The following GTF2F1 variants were observed in gnomAD, a reference collection of about 807,000 sequenced individuals.
The protein encoded by GTF2F1 is general transcription factor IIF subunit 1.
A neutral mutation model predicts 63.5 loss-of-function variants in GTF2F1; 39 were observed. The ratio of observed to expected loss-of-function variants is 0.61; its 90% CI spans 0.48 to 0.80. The LOEUF is 0.80. Ranked by LOEUF, GTF2F1 falls within the 30% of genes least tolerant of loss-of-function variation. The pLI, the probability that GTF2F1 is intolerant of heterozygous loss-of-function variation, is 0.00. For synonymous variants in GTF2F1, 287 were observed against 285.3 expected (o/e 1.01, Z -0.06); for missense variants, 657 against 718.3 (o/e 0.91, Z 0.97).
At chr19:6,388,381 CT>C (rs2091982157) in intron 4 of GTF2F1, among the ~76,000 whole-genome samples, 1 of 152,220 alleles carries the variant, frequency 6.6e-6, no homozygotes, top group Admixed American at 6.5e-5. Flanking sequence ...CTGCCTACAG[CT>C]TTCCAAGGCT....
At chr19:6,382,294 C>T (rs1019348346) in intron 6 of GTF2F1, among the ~76,000 whole-genome samples, 2 of 152,006 alleles carry the variant, frequency 1.3e-5, no homozygotes, top group Non-Finnish European at 2.9e-5. Context: ...AGTTTCAGAC[C>T]ATCCTGGGCA....
intron 5 of GTF2F1, chr19:6,386,992 AGCCCTTAACTGCACCC>A (rs1470582344): frequency 9.1e-6 from 2 of 220,976 alleles, no homozygotes; most frequent in Non-Finnish European, 1.8e-5. Flanking sequence ...GTCCCTCCAC[AGCCCTTAACTGCACCC>A]GCCCCACCTC....
At chr19:6,382,224 C>T (rs904784300) in intron 6 of GTF2F1, among the ~76,000 whole-genome samples, 3 of 152,206 alleles carry the variant, frequency 2.0e-5, no homozygotes, top group Non-Finnish European at 4.4e-5. Context: ...GGTGCAGTGG[C>T]TCATGCCTGT....
chr19:6,382,889 G>A (rs73563883), intron 6 of GTF2F1, among the ~76,000 whole-genome samples: 30,640 of 151,146 alleles, frequency 0.2, 5,841 homozygotes, highest in African/African-American at 0.49. Flanking sequence ...TCCTCCAGGC[G>A]GCCTCGCCTG....
At chr19:6,389,103 G>T (rs892791243) in intron 4 of GTF2F1, among the ~76,000 whole-genome samples, 1 of 151,952 alleles carries the variant, frequency 6.6e-6, no homozygotes, top group Admixed American at 6.6e-5. Flanking sequence ...CGTGGTGGTG[G>T]CAGGCACCTG....
Position 6,393,017 on chromosome 19 carries a change from A to G in GTF2F1, c.-22T>C. 6.2e-7 allele frequency: 1 copy of G among 1,613,504 alleles called. No homozygotes were observed. Among genetic ancestry groups the G allele is most frequent in the Non-Finnish European group, 8.5e-7 (1 of 1,179,984 alleles). On this transcript the variant is annotated 5_prime_UTR_variant, in exon 1 of 13. Transcript: ENST00000394456. The stretch of plus-strand genomic sequence containing the variant: ...CCATGGGCAATGGTCAGTGGTTCCG[A>G]TCTGGTCCGACCCGGGTTCCTTTCG...
In GTF2F1 at chr19:6,380,329, G is replaced by A. The variant is rs372092692; in HGVS notation, c.1506C>T (p.Pro502=). 40 of 1,613,974 alleles carry A rather than the reference G, an allele frequency of 2.5e-5. No individual in the cohort carries two copies. The highest frequency in any genetic ancestry group is 2.9e-5 in the Non-Finnish European group (34 of 1,180,010). The change falls in exon 13 of 13, where the codon CCC becomes CCT. Residue 502 remains proline, a synonymous_variant. Coordinates refer to ENST00000394456, the MANE Select transcript of GTF2F1 (RefSeq NM_002096.3). The surrounding 1 kb of genome is among the most constrained non-coding windows in gnomAD (Gnocchi z 5.3). ...VLAQILKRLN[P]ERKMINDKMH... is the part of the protein sequence containing the mutation. ...TTTTGTCGTTGATCATCTTGCGCTC[G>A]GGGTTGAGTCGCTTGAGGATCTGGG...
rs762099475 is a variant in GTF2F1, at chr19:6,389,653, G to GCAAA, written c.133-20_133-17dup. Reference sequence around the variant, plus strand: ...CCAGCCGAGCCTAGGGGAGCAGGAAGCAAAGCCTCTCAGGGTCCCTGGCTT... The same window carrying GCAAA: ...CCAGCCGAGCCTAGGGGAGCAGGAAGCAAACAAAGCCTCTCAGGGTCCCTGGCTT... On this transcript the variant is annotated splice_polypyrimidine_tract_variant and intron_variant, in intron 3 of 12. Transcript: ENST00000394456. 1.9e-6 allele frequency: 3 copies of GCAAA among 1,610,236 alleles called. No homozygotes were observed. In the African/African-American group the frequency reaches 4.0e-5, roughly 21 times the overall value.
In GTF2F1 at chr19:6,380,543, C is replaced by T; in HGVS notation, c.1349+30G>A. 1 of 1,612,090 alleles carries T rather than the reference C, an allele frequency of 6.2e-7. No individual in the cohort carries two copies. The highest frequency in any genetic ancestry group is 8.5e-7 in the Non-Finnish European group (1 of 1,178,260). ...GTGAGATTGTCCCCAGTAGCCCTTG[C>T]CCTGCCCCCTGCTGTCCTCGTCAAC... On this transcript the variant is annotated intron_variant, in intron 12 of 12. Coordinates refer to ENST00000394456, the MANE Select transcript of GTF2F1 (RefSeq NM_002096.3). This position sits in a 1 kb window ranked among gnomAD's most constrained non-coding sequence, Gnocchi z 5.3.
Position 6,380,080 on chromosome 19 carries a change from G to A in GTF2F1, c.*201C>T. On this transcript the variant is annotated 3_prime_UTR_variant, in exon 13 of 13. Coordinates refer to ENST00000394456, the MANE Select transcript of GTF2F1 (RefSeq NM_002096.3). The surrounding 1 kb of genome is among the most constrained non-coding windows in gnomAD (Gnocchi z 5.3). ...GAAGATTCCAGAAGGAAGGGCCAGA[G>A]GAGGAGATGGCTTAACTTTTCCAGA... 1 of 619,860 alleles carries A rather than the reference G, an allele frequency of 1.6e-6. No individual in the cohort carries two copies. Among genetic ancestry groups the A allele is most frequent in the Admixed American group, 2.7e-5 (1 of 36,866 alleles). 38.4% of individuals were successfully genotyped at this position (619,860 alleles called of 1,614,324 possible). A position where few individuals can be genotyped will look rare whatever the true frequency, so the allele number is the denominator to read the frequency against.
Position 6,392,842 on chromosome 19 carries a change from G to C in GTF2F1, c.59+15C>G. On this transcript the variant is annotated intron_variant, in intron 2 of 12. Coordinates refer to ENST00000394456, the MANE Select transcript of GTF2F1 (RefSeq NM_002096.3). ...GGGGGGTGGAGAGGAGTGGGAGATG[G>C]GGCTGGGGACTTACTTAGGAACTCG... 1 of 1,612,178 alleles carries C rather than the reference G, an allele frequency of 6.2e-7. No individual in the cohort carries two copies. Among genetic ancestry groups the C allele is most frequent in the Non-Finnish European group, 8.5e-7 (1 of 1,178,328 alleles).
Position 6,381,625 on chromosome 19 carries a change from G to C in GTF2F1, c.837-10C>G. The C allele has an allele frequency of 1.2e-6, 2 of 1,613,964 alleles. No individual in the cohort carries two copies. The highest frequency in any genetic ancestry group is 1.7e-6 in the Non-Finnish European group (2 of 1,180,032). On this transcript the variant is annotated splice_polypyrimidine_tract_variant and intron_variant, in intron 7 of 12. Coordinates refer to ENST00000394456, the MANE Select transcript of GTF2F1 (RefSeq NM_002096.3). This position sits in a 1 kb window ranked among gnomAD's most constrained non-coding sequence, Gnocchi z 4.1. ...CTCTTCTTGGGAGCTACTGTAAGAC[G>C]GGGATGGCAAAGGATGAGCGCGCGC...
At position 6,381,817 on chromosome 19, in the gene GTF2F1, G is replaced by T. The variant is rs201517329; in HGVS notation, c.716C>A (p.Pro239Gln). The change falls in exon 7 of 13, where the codon CCG becomes CAG. Residue 239 changes from proline (P) to glutamine (Q), a missense_variant. Physicochemically the swap from Pro to Gln is moderately conservative, Grantham distance 76. Coordinates refer to ENST00000394456, the MANE Select transcript of GTF2F1 (RefSeq NM_002096.3). The surrounding 1 kb of genome is among the most constrained non-coding windows in gnomAD (Gnocchi z 4.1). ...CTTTTTCCTGCCGCCCTTGGCCAGC[G>T]GCGCCTTCTTCTTGGCCTTGGGGAC... ...GRVPKAKKKA[P>Q]LAKGGRKKKK... The T allele has an allele frequency of 4.3e-6, 7 of 1,613,414 alleles. No homozygotes were observed. Among genetic ancestry groups the T allele is most frequent in the Non-Finnish European group, 5.9e-6 (7 of 1,179,964 alleles).
chr19:6,387,034 T>C lies in GTF2F1; in HGVS notation c.497+355A>G, dbSNP rs2091976434. 17 of 271,252 alleles carry C rather than the reference T, an allele frequency of 6.3e-5. 1 individual carries two copies. The South Asian group carries it at 8.5e-4, about 14-fold the overall frequency. The allele number at this position is 271,252 out of a possible 1,614,324, so 16.8% of individuals were successfully genotyped here. A position where few individuals can be genotyped will look rare whatever the true frequency, so the allele number is the denominator to read the frequency against. The stretch of plus-strand genomic sequence containing the variant: ...GCCCCACCTCTGAGGCCGATGTCAC[T>C]GCTAGAGAAACCCTCCTCGGGTGCC... On this transcript the variant is annotated intron_variant, in intron 5 of 12. Coordinates refer to ENST00000394456, the MANE Select transcript of GTF2F1 (RefSeq NM_002096.3).
In GTF2F1 at chr19:6,380,745, C is replaced by A. The variant is rs1307652636; in HGVS notation, c.1232-55G>T. 7 of 1,575,966 alleles carry A rather than the reference C, an allele frequency of 4.4e-6. No homozygotes were observed. Among genetic ancestry groups the A allele is most frequent in the South Asian group, 4.4e-5 (4 of 90,346 alleles). ...GCAGGCAGGAGGCAGAACCCCTGGG[C>A]AGGACCCCAGGCTGGGCAGTGCCAG... On this transcript the variant is annotated intron_variant, in intron 11 of 12. Transcript: ENST00000394456. This position sits in a 1 kb window ranked among gnomAD's most constrained non-coding sequence, Gnocchi z 5.3.
In GTF2F1 at chr19:6,381,111, C is replaced by A; in HGVS notation, c.1092+11G>T. 6.2e-7 allele frequency: 1 copy of A among 1,610,804 alleles called. No homozygotes were observed. The highest frequency in any genetic ancestry group is 1.1e-5 in the South Asian group (1 of 90,508). On this transcript the variant is annotated intron_variant, in intron 10 of 12. Coordinates refer to ENST00000394456, the MANE Select transcript of GTF2F1 (RefSeq NM_002096.3). This position sits in a 1 kb window ranked among gnomAD's most constrained non-coding sequence, Gnocchi z 4.1. ...CGCCCAGGCCTCCCCCGCCACCGGG[C>A]TGGGCCTTACCGCCATGAAGAGGGC...
At position 6,381,758 on chromosome 19, in the gene GTF2F1, C is replaced by G; in HGVS notation, c.775G>C (p.Glu259Gln). The change falls in exon 7 of 13, where the codon GAG (glutamate) becomes CAG (glutamine). Residue 259 changes from glutamate (E) to glutamine (Q), a missense_variant. Around this residue, in one of 2 missense-constraint regions of GTF2F1, gnomAD observed 602 missense variants for 625.6 expected, o/e 0.96. Transcript: ENST00000394456. This position sits in a 1 kb window ranked among gnomAD's most constrained non-coding sequence, Gnocchi z 4.1. ...KKKGSDDEAFEDSDDGDFEGQ... is the reference protein window; with the variant it reads ...KKKGSDDEAFQDSDDGDFEGQ... ...TCGAAGTCCCCATCATCGCTGTCCTCGAAGGCCTCGTCGTCTGAACCCTTC... is the reference window on the plus strand; with the variant it reads ...TCGAAGTCCCCATCATCGCTGTCCTGGAAGGCCTCGTCGTCTGAACCCTTC... The G allele has an allele frequency of 3.1e-6, 5 of 1,614,156 alleles. No homozygotes were observed. Among genetic ancestry groups the G allele is most frequent in the Non-Finnish European group, 4.2e-6 (5 of 1,180,026 alleles).
chr19:6,387,533 A>T lies in GTF2F1; in HGVS notation c.353T>A (p.Val118Glu). 2 of 1,614,064 alleles carry T rather than the reference A, an allele frequency of 1.2e-6. No homozygotes were observed. Among genetic ancestry groups the T allele is most frequent in the East Asian group, 4.5e-5 (2 of 44,866 alleles). The change falls in exon 5 of 13, where the codon GTA becomes GAA. Residue 118 changes from valine (V) to glutamate (E), a missense_variant. This residue lies in a region of GTF2F1 where 602 missense variants were observed against 625.6 expected (regional missense o/e 0.96). Transcript: ENST00000394456. ...GATGTAGTAGGACGTGTTCTCTGTTACGCCTCCCTTCTTGATGCCCTTGAA... is the reference window on the plus strand; with the variant it reads ...GATGTAGTAGGACGTGTTCTCTGTTTCGCCTCCCTTCTTGATGCCCTTGAA... ...RKFKGIKKGGVTENTSYYIFT... is the reference protein window; with the variant it reads ...RKFKGIKKGGETENTSYYIFT...
chr19:6,386,399 CACAA>C (rs151007044), intron 5 of GTF2F1, among the ~76,000 whole-genome samples: 17,716 of 151,480 alleles, frequency 0.12, 1,522 homozygotes, highest in East Asian at 0.38. Flanking sequence ...AAAAAAAACA[CACAA>C]ACAAACAAAC....
Sources: gnomAD v4.1 joint callset for allele counts (sites outside exome capture counted in the v4.1 genomes callset) on GRCh38, gnomAD v4.1.1 for gene constraint, gnomAD v4.1.1 regional missense constraint, Gnocchi (gnomAD v3.1) non-coding constraint, MANE v1.5 for transcripts, NCBI Gene and HGNC (gene_info 2026-07-23, HGNC 2026-07-21) for gene names.